The following UTS2B variants were observed in gnomAD, a reference collection of about 807,000 sequenced individuals.
UTS2B encodes urotensin-2B.
A neutral mutation model predicts 19.2 loss-of-function variants in UTS2B; 21 were observed. The observed-to-expected ratio is 1.09, with a 90% CI of 0.78 to 1.58. UTS2B has a LOEUF of 1.58. Among genes scored for constraint, UTS2B ranks in the 40% most tolerant of loss-of-function variants. The pLI is 0.00. For synonymous variants in UTS2B, 57 were observed against 50.2 expected, an observed-to-expected ratio of 1.14 and a Z score of -0.58; for missense variants, 138 against 130.3, an observed-to-expected ratio of 1.06 and a Z score of -0.29.
intron 3 of UTS2B, among the ~76,000 whole-genome samples, chr3:191,311,277 T>C (rs1009427682): frequency 6.6e-6 from 1 of 152,248 alleles, no homozygotes; most frequent in Non-Finnish European, 1.5e-5. Flanking sequence ...CAGGTTTCTG[T>C]GGGAAAATTT....
At chr3:191,328,185 C>G (rs965451649) in intron 2 of UTS2B, 5 of 152,154 alleles carry the variant, frequency 3.3e-5, no homozygotes, top group Admixed American at 6.5e-5. Flanking sequence ...ATGTCAAGTT[C>G]AAATAAAACC....
At chr3:191,335,443 G>A (rs970339451), upstream of UTS2B, among the ~76,000 whole-genome samples, 2 of 152,030 alleles carry the variant, frequency 1.3e-5, no homozygotes, top group East Asian at 3.8e-4. Context: ...GACCTACAAA[G>A]GATAATTAGT....
At chr3:191,325,098 G>T (rs1717710979) in intron 2 of UTS2B, among the ~76,000 whole-genome samples, 1 of 152,016 alleles carries the variant, frequency 6.6e-6, no homozygotes. Context: ...GAGAGATCAG[G>T]TTACCAGAAG....
chr3:191,290,775 TA>T (rs1716691459), intron 4 of UTS2B, among the ~76,000 whole-genome samples: 1 of 152,248 alleles, frequency 6.6e-6, no homozygotes, highest in African/African-American at 2.4e-5. Context: ...AGGGAACAGA[TA>T]GCTTTAAGAT....
intron 2 of UTS2B, among the ~76,000 whole-genome samples, chr3:191,317,014 A>T (rs532186691): frequency 6.6e-6 from 1 of 152,120 alleles, no homozygotes; most frequent in Non-Finnish European, 1.5e-5. Flanking sequence ...GCGTGCCTGC[A>T]CTCCTCATCC....
the UTS2B span, among the ~76,000 whole-genome samples, chr3:191,337,829 GT>G: frequency 6.8e-5 from 10 of 147,392 alleles, no homozygotes; most frequent in East Asian, 5.9e-4. Flanking sequence ...GTTTCCTTAC[GT>G]TTTTTTTTTA....
rs1250704802 is a variant in UTS2B, at chr3:191,301,924, C to CA, written c.-125+2567_-125+2568insT. 2.6e-5 allele frequency among the ~76,000 whole-genome samples: 4 copies of CA among 152,112 alleles called. No individual in the cohort carries two copies. The East Asian group carries it at 5.8e-4, about 22-fold the overall frequency. ...GAGTCAATATTTATGGAGTTTTTAT[C>CA]CTGCTTGTGTCAGAGGCATTTGAAA... On this transcript the variant is annotated intron_variant, in intron 4 of 8. Transcript: ENST00000340524.
rs1717941379 is a variant in UTS2B at position 191,330,444 on chromosome 3, G to C, written c.-695C>G. ...TTTAGCTGACAGCAAGTAGCCTTTT[G>C]ACTTCCCTTCTCTTGTTTTTCCACT... is the stretch of plus-strand genomic sequence containing the variant. On this transcript the variant is annotated 5_prime_UTR_variant, in exon 1 of 9. Transcript: ENST00000340524. 6.6e-6 allele frequency: 1 copy of C among 152,254 alleles called. No homozygotes were observed. The highest frequency in any genetic ancestry group is 2.1e-4 in the South Asian group (1 of 4,826). 9.4% of individuals were successfully genotyped at this position (152,254 alleles called of 1,614,324 possible).
At chr3:191,280,545 A>G (rs146138061) in intron 5 of UTS2B, among the ~76,000 whole-genome samples, 1 of 152,332 alleles carries the variant, frequency 6.6e-6, no homozygotes, top group African/African-American at 2.4e-5. Context: ...TAGATAGAAA[A>G]TAACCTTACT....
At chr3:191,281,833 AT>A (rs1388245195) in intron 5 of UTS2B, among the ~76,000 whole-genome samples, 1 of 151,926 alleles carries the variant, frequency 6.6e-6, no homozygotes, top group Non-Finnish European at 1.5e-5. Flanking sequence ...TTAAAAAAAA[AT>A]AAACTATAGT....
At chr3:191,291,804 T>C (rs1300816595) in intron 4 of UTS2B, among the ~76,000 whole-genome samples, 2 of 151,888 alleles carry the variant, frequency 1.3e-5, no homozygotes, top group Admixed American at 6.6e-5. Context: ...GTTTCACCTT[T>C]ATTTATTTAT....
At chr3:191,286,398 AGAAT>A (rs139130444) in intron 4 of UTS2B, among the ~76,000 whole-genome samples, 76,422 of 151,654 alleles carry the variant, frequency 0.5, 20,961 homozygotes, top group Middle Eastern at 0.63. Flanking sequence ...AAATTTAAGA[AGAAT>A]GAAGTCATAT....
At chr3:191,272,796 G>T (rs1408728224) in intron 8 of UTS2B, among the ~76,000 whole-genome samples, 5 of 151,668 alleles carry the variant, frequency 3.3e-5, no homozygotes, top group Non-Finnish European at 5.9e-5. Context: ...AAAAGGCGAA[G>T]GTTGCAGTGA....
chr3:191,324,939 A>G (rs1717705698), intron 2 of UTS2B, among the ~76,000 whole-genome samples: 1 of 152,108 alleles, frequency 6.6e-6, no homozygotes, highest in Non-Finnish European at 1.5e-5. Flanking sequence ...AATCCCAGCT[A>G]CTTGGGAGGC....
intron 8 of UTS2B, chr3:191,273,263 T>C (rs1194523648): frequency 1.2e-5 from 4 of 328,520 alleles, no homozygotes; most frequent in Non-Finnish European, 2.4e-5. Flanking sequence ...TAGAAGAGAT[T>C]TGGGGTTGTC....
chr3:191,326,690 A>G (rs925644286), intron 2 of UTS2B, among the ~76,000 whole-genome samples: 1 of 152,242 alleles, frequency 6.6e-6, no homozygotes, highest in Admixed American at 6.5e-5. Flanking sequence ...GGACACCAAA[A>G]GATGTAAACT....
At chr3:191,344,760 G>T in the UTS2B span, among the ~76,000 whole-genome samples, 1 of 152,038 alleles carries the variant, frequency 6.6e-6, no homozygotes. Flanking sequence ...TTGTATTTTT[G>T]TGGAGACGAG....
intron 4 of UTS2B, 25 bp from the exon 5 acceptor site, chr3:191,282,338 G>T (rs1356466134): frequency 5.2e-6 from 3 of 580,664 alleles, no homozygotes; most frequent in East Asian, 2.9e-5. Context: ...AAGAAAGAAA[G>T]AAAATAAATC....
At chr3:191,292,192 T>C (rs1015338338) in intron 4 of UTS2B, among the ~76,000 whole-genome samples, 3 of 152,104 alleles carry the variant, frequency 2.0e-5, no homozygotes, top group African/African-American at 7.2e-5. Context: ...TGAATTAATT[T>C]GGAGAATTTT....
Sources: allele counts gnomAD v4.1 joint callset (sites outside exome capture counted in the v4.1 genomes callset), GRCh38; gene constraint gnomAD v4.1.1; transcripts MANE v1.5; gene names NCBI Gene and HGNC (gene_info 2026-07-23, HGNC 2026-07-21).